The following PCDH15 variants were observed in gnomAD, a reference collection of about 807,000 sequenced individuals.
The protein encoded by PCDH15 is protocadherin related 15, also known as protocadherin-15.
PCDH15 carries 129 observed loss-of-function variants against 178.5 expected under a neutral mutation model. The observed-to-expected ratio is 0.72, with a 90% CI of 0.63 to 0.84. The LOEUF (loss-of-function observed/expected upper bound fraction) is 0.84. Among genes scored for constraint, PCDH15 ranks in the 40% least tolerant of loss-of-function variants. PCDH15 has a pLI of 0.00. For missense variants in PCDH15, 2,230 were observed against 2,099.9 expected, an observed-to-expected ratio of 1.06 and a Z score of -1.21; for synonymous variants, 800 against 732.0, an observed-to-expected ratio of 1.09 and a Z score of -1.50.
intron 13 of PCDH15, among the ~76,000 whole-genome samples, chr10:54,174,708 T>C (rs1228540565): frequency 1.1e-4 from 13 of 122,114 alleles, no homozygotes; most frequent in African/African-American, 1.5e-4. Flanking sequence ...TTTTCTTTTT[T>C]TTTTTTTTTT....
At chr10:55,182,497 A>G (rs1591971601) in intron 1 of PCDH15, among the ~76,000 whole-genome samples, 1 of 152,000 alleles carries the variant, frequency 6.6e-6, no homozygotes, top group East Asian at 1.9e-4. Context: ...ATCGCTGTCA[A>G]CTTGGACAGG....
intron 2 of PCDH15, among the ~76,000 whole-genome samples, chr10:55,375,529 C>A (rs1398508133): frequency 2.6e-5 from 4 of 152,076 alleles, no homozygotes; most frequent in Non-Finnish European, 5.9e-5. Flanking sequence ...CTTCTAAAGT[C>A]TTTGTTCTTT....
chr10:54,846,925 G>A (rs879682152), intron 3 of PCDH15, among the ~76,000 whole-genome samples: 1 of 152,148 alleles, frequency 6.6e-6, no homozygotes, highest in Admixed American at 6.5e-5. Flanking sequence ...TACATATAAT[G>A]CACGTGTTGT....
At chr10:55,446,346 A>C (rs573375865) in intron 2 of PCDH15, among the ~76,000 whole-genome samples, 1 of 152,038 alleles carries the variant, frequency 6.6e-6, no homozygotes, top group South Asian at 2.1e-4. Flanking sequence ...TCAGAGAAAC[A>C]AAAAGTTTAT....
At chr10:55,550,044 T>C (rs983315909) in intron 2 of PCDH15, among the ~76,000 whole-genome samples, 1 of 152,140 alleles carries the variant, frequency 6.6e-6, no homozygotes, top group South Asian at 2.1e-4. Context: ...GCCCATTATA[T>C]TGCTATGTAC....
chr10:53,903,484 G>T (rs2082466009), intron 25 of PCDH15, 114 bp from the exon 26 acceptor site: 3 of 1,270,856 alleles, frequency 2.4e-6, no homozygotes, highest in Non-Finnish European at 3.4e-6. Flanking sequence ...TAAATCAAAA[G>T]CCATTTCTAG....
At chr10:55,348,287 C>T (rs913898386) in intron 2 of PCDH15, among the ~76,000 whole-genome samples, 2 of 152,030 alleles carry the variant, frequency 1.3e-5, no homozygotes, top group African/African-American at 4.8e-5. Flanking sequence ...TATATGAATA[C>T]ACATATAGAA....
chr10:55,521,614 A>G (rs1841178181), intron 2 of PCDH15, among the ~76,000 whole-genome samples: 2 of 151,928 alleles, frequency 1.3e-5, no homozygotes, highest in Non-Finnish European at 2.9e-5. Context: ...AGATACTTTG[A>G]TTGTTTTCAT....
chr10:55,379,818 G>A (rs931277192), intron 2 of PCDH15, among the ~76,000 whole-genome samples: 5 of 152,016 alleles, frequency 3.3e-5, no homozygotes, highest in African/African-American at 1.2e-4. Flanking sequence ...GAAAAAAGAG[G>A]GGGAAACAAT....
intron 15 of PCDH15, among the ~76,000 whole-genome samples, chr10:54,122,545 T>C (rs747750852): frequency 6.7e-5 from 10 of 149,836 alleles, no homozygotes; most frequent in Non-Finnish European, 1.2e-4. Context: ...ATATATTTGC[T>C]GGAGGCAAGA....
intron 1 of PCDH15, among the ~76,000 whole-genome samples, chr10:54,704,251 A>T (rs1208896596): frequency 6.6e-6 from 1 of 152,190 alleles, no homozygotes; most frequent in Non-Finnish European, 1.5e-5. Flanking sequence ...GACAACCGGG[A>T]CATAATTTAA....
At chr10:55,194,402 C>T (rs1284902425) in intron 1 of PCDH15, among the ~76,000 whole-genome samples, 2 of 152,010 alleles carry the variant, frequency 1.3e-5, no homozygotes, top group Admixed American at 6.5e-5. Flanking sequence ...ATTCCAATAC[C>T]AATGTTACAG....
intron 23 of PCDH15, among the ~76,000 whole-genome samples, chr10:53,955,472 ATACTT>A (rs2087524518): frequency 6.6e-6 from 1 of 152,218 alleles, no homozygotes; most frequent in African/African-American, 2.4e-5. Flanking sequence ...CGATAAATAA[ATACTT>A]TATCTTTAAA....
At chr10:53,965,724 G>A (rs940926959) in intron 21 of PCDH15, among the ~76,000 whole-genome samples, 1 of 152,186 alleles carries the variant, frequency 6.6e-6, no homozygotes, top group Non-Finnish European at 1.5e-5. Context: ...ACTGCTTCAA[G>A]AACAAATTTT....
intron 2 of PCDH15, among the ~76,000 whole-genome samples, chr10:55,590,541 C>G (rs1842824433): frequency 6.6e-6 from 1 of 152,024 alleles, no homozygotes. Flanking sequence ...ATTTTGTAGA[C>G]TTATATGCTT....
rs76017311 is a variant in PCDH15 at position 54,872,916 on chromosome 10, C to T, written c.-29+24534G>A. ...TTCATTCCTAGGCAAGCAGAGGTCA[C>T]AGTGTTGAGGCACCAAACCAAGGTC... is the stretch of plus-strand genomic sequence containing the variant. On this transcript the variant is annotated intron_variant, in intron 3 of 5. Transcript: ENST00000458638. Among the ~76,000 whole-genome samples the T allele has an allele frequency of 1.4e-4, 21 of 152,112 alleles. No individual in the cohort carries two copies. In the East Asian group the frequency reaches 3.3e-3, roughly 24 times the overall value.
chr10:54,939,824 A>G (rs1564647675), intron 2 of PCDH15, among the ~76,000 whole-genome samples: 1 of 152,120 alleles, frequency 6.6e-6, no homozygotes, highest in Non-Finnish European at 1.5e-5. Context: ...CAAGGGGCAA[A>G]ACAGGTTCCC....
intron 1 of PCDH15, among the ~76,000 whole-genome samples, chr10:54,731,562 A>ATATATATATATATATATATG (rs1943375610): frequency 1.9e-5 from 1 of 53,106 alleles, no homozygotes; most frequent in South Asian, 8.0e-4. Flanking sequence ...ATATATATAT[A>ATATATATATATATATATATG]TACACACACA....
intron 2 of PCDH15, among the ~76,000 whole-genome samples, chr10:55,341,141 C>T (rs559588236): frequency 3.3e-4 from 50 of 151,692 alleles, no homozygotes; most frequent in Admixed American, 6.6e-4. Context: ...GATATAATAC[C>T]CTTGGTACAA....
Sources: gnomAD v4.1 joint callset for allele counts (sites outside exome capture counted in the v4.1 genomes callset) on GRCh38, gnomAD v4.1.1 for gene constraint, MANE v1.5 for transcripts, NCBI Gene and HGNC (gene_info 2026-07-23, HGNC 2026-07-21) for gene names.